Variants in PTPN13 observed in about 807,000 individuals in gnomAD.
PTPN13 encodes tyrosine-protein phosphatase non-receptor type 13.
PTPN13 carries 191 observed loss-of-function variants against 284.0 expected under a neutral mutation model. The ratio of observed to expected loss-of-function variants is 0.67; its 90% CI spans 0.60 to 0.76. The LOEUF is 0.76. Ranked by LOEUF, PTPN13 falls within the 30% of genes least tolerant of loss-of-function variation. The probability of loss-of-function intolerance (pLI) is 0.00; values close to 1 mark genes in which losing one functional copy is unlikely to be tolerated. For synonymous variants in PTPN13, 986 were observed against 1,022.3 expected (o/e 0.96, Z 0.68); for missense variants, 2,797 against 2,939.9 (o/e 0.95, Z 1.12).
At chr4:86,722,752 A>G (rs1733810802) in intron 10 of PTPN13, among the ~76,000 whole-genome samples, 1 of 152,196 alleles carries the variant, frequency 6.6e-6, no homozygotes, top group Non-Finnish European at 1.5e-5. Flanking sequence ...TTTTCATATT[A>G]AGAAATTTAT....
At chr4:86,785,034 C>T (rs1438136120) in intron 38 of PTPN13, among the ~76,000 whole-genome samples, 197 bp from the exon 39 acceptor site, 2 of 151,988 alleles carry the variant, frequency 1.3e-5, no homozygotes, top group Non-Finnish European at 2.9e-5. Context: ...TGTGGTCTTC[C>T]ATCATAGCAG....
At chr4:86,808,035 T>A in intron 45 of PTPN13, 138 bp downstream of exon 45, 1 of 735,332 alleles carries the variant, frequency 1.4e-6, no homozygotes, top group Non-Finnish European at 2.2e-6. Flanking sequence ...ATGGAACTAA[T>A]GCTAGCTATT....
intron 1 of PTPN13, among the ~76,000 whole-genome samples, chr4:86,628,865 G>C (rs1219152523): frequency 1.5e-4 from 22 of 150,152 alleles, no homozygotes; most frequent in Admixed American, 3.3e-4. Flanking sequence ...GTATTCCATG[G>C]TGTATATGTG....
intron 23 of PTPN13, among the ~76,000 whole-genome samples, chr4:86,762,052 A>G (rs1738758821): frequency 6.6e-6 from 1 of 152,234 alleles, no homozygotes; most frequent in Non-Finnish European, 1.5e-5. Flanking sequence ...TGCTCACTGC[A>G]GGCTCCGCCT....
At chr4:86,635,903 C>T (rs1298637983) in intron 2 of PTPN13, among the ~76,000 whole-genome samples, 1 of 152,138 alleles carries the variant, frequency 6.6e-6, no homozygotes, top group East Asian at 1.9e-4. Context: ...GTGGAGGTTG[C>T]AGTGAGCCAA....
intron 23 of PTPN13, among the ~76,000 whole-genome samples, chr4:86,759,507 C>T (rs1171489786): frequency 6.6e-6 from 1 of 152,148 alleles, no homozygotes; most frequent in African/African-American, 2.4e-5. Flanking sequence ...TTTGTTTTTA[C>T]TTAAAGAGTA....
intron 3 of PTPN13, among the ~76,000 whole-genome samples, chr4:86,684,072 A>G (rs2148938889): frequency 6.6e-6 from 1 of 151,926 alleles, no homozygotes; most frequent in Non-Finnish European, 1.5e-5. Context: ...GTTCTGTGTT[A>G]CTTGCTAAGA....
intron 26 of PTPN13, among the ~76,000 whole-genome samples, chr4:86,766,143 T>C (rs1739287510): frequency 6.6e-6 from 1 of 152,230 alleles, no homozygotes; most frequent in Admixed American, 6.5e-5. Context: ...TCTACACTTT[T>C]AGTAAGGACT....
chr4:86,800,039 T>C (rs780051500), intron 42 of PTPN13, among the ~76,000 whole-genome samples: 1 of 151,830 alleles, frequency 6.6e-6, no homozygotes, highest in Non-Finnish European at 1.5e-5. Flanking sequence ...GGTTTCACCA[T>C]GTTGGCCAGG....
At chr4:86,743,775 G>A (rs1263009145) in intron 16 of PTPN13, among the ~76,000 whole-genome samples, 1 of 152,126 alleles carries the variant, frequency 6.6e-6, no homozygotes, top group African/African-American at 2.4e-5. Flanking sequence ...TGAAGTCTGG[G>A]TAATACTCTG....
chr4:86,763,094 A>G lies in PTPN13; in HGVS notation c.3921A>G (p.Pro1307=). The G allele has an allele frequency of 1.9e-6, 3 of 1,613,898 alleles. No individual in the cohort carries two copies. The highest frequency in any genetic ancestry group is 2.5e-6 in the Non-Finnish European group (3 of 1,179,862). Residue 1307 remains proline (P), a synonymous_variant, in exon 24 of 48, where the codon CCA becomes CCG. Coordinates refer to ENST00000411767, the MANE Select transcript of PTPN13 (RefSeq NM_080683.3). ...GTAACCAAAGCAAAACTAAAAAGCC[A>G]GGCATTTCTGATGTAACTGATTACT... ...TDSNQSKTKK[P]GISDVTDYSD...
rs367673560 is a variant in PTPN13 at position 86,811,067 on chromosome 4, C to T, written c.7321C>T (p.Arg2441Cys). Residue 2441 changes from arginine to cysteine, a missense_variant, in exon 47 of 48, where the codon CGC (arginine) becomes TGC (cysteine). By Grantham distance (180) the Arg-to-Cys change is radical (BLOSUM62 -3). Coordinates refer to ENST00000411767, the MANE Select transcript of PTPN13 (RefSeq NM_080683.3). The stretch of plus-strand genomic sequence containing the variant: ...ACAGTTTGACATCTCTGATTTGGTG[C>T]GCTGCATGAGACTACAAAGACACGG... ...DLDFDISDLV[R>C]CMRLQRHGMV... 60 of 1,613,214 alleles carry T rather than the reference C, an allele frequency of 3.7e-5. 1 individual carries two copies. The highest frequency in any genetic ancestry group is 1.9e-4 in the South Asian group (17 of 90,980).
rs1733760910 is a variant in PTPN13 at position 86,722,314 on chromosome 4, T to C, written c.1488T>C (p.Leu496=). Residue 496 remains leucine, a synonymous_variant, in exon 10 of 48, where the codon CTT becomes CTC. Coordinates refer to ENST00000411767, the MANE Select transcript of PTPN13 (RefSeq NM_080683.3). ...ELMQLQAKMA[L]RQSRLSLYPG... The stretch of plus-strand genomic sequence containing the variant: ...TGCAGCTACAAGCCAAAATGGCCCT[T>C]AGACAGTCTCGGTTGAGCCTATATC... The C allele has an allele frequency of 1.2e-6, 2 of 1,613,716 alleles. No individual in the cohort carries two copies. The highest frequency in any genetic ancestry group is 8.5e-7 in the Non-Finnish European group (1 of 1,179,758).
chr4:86,717,002 T>C (rs1317234969), intron 8 of PTPN13, 22 bp from the exon 9 acceptor site: 6 of 1,550,218 alleles, frequency 3.9e-6, no homozygotes, highest in Non-Finnish European at 4.4e-6. Context: ...TGTGCCATTA[T>C]TTCTTTTTCA....
chr4:86,635,531 C>G (rs981131011), intron 2 of PTPN13, among the ~76,000 whole-genome samples, 160 bp downstream of exon 2: 1 of 152,120 alleles, frequency 6.6e-6, no homozygotes, highest in Admixed American at 6.6e-5. Context: ...GCTGAAAAAG[C>G]TCAGCTATTA....
In PTPN13 at chr4:86,814,550, G is replaced by A; in HGVS notation, c.7457G>A (p.Ter2486=). Residue 2486 remains the stop codon, a stop_retained_variant, in exon 48 of 48, where the codon TGA becomes TAA. Transcript: ENST00000411767. ...EQKQQPQLLK[*] ...AAACAGCAGCCTCAGCTTCTGAAGT[G>A]ACATGAAAAGAGCCTCTGGATGCAT... The A allele has an allele frequency of 6.2e-7, 1 of 1,604,080 alleles. No individual in the cohort carries two copies. Among genetic ancestry groups the A allele is most frequent in the Non-Finnish European group, 8.5e-7 (1 of 1,171,394 alleles).
In PTPN13 at chr4:86,690,033, G is replaced by A. The variant is rs546499669; in HGVS notation, c.546+843G>A. On this transcript the variant is annotated intron_variant, in intron 5 of 47. Coordinates refer to ENST00000411767, the MANE Select transcript of PTPN13 (RefSeq NM_080683.3). ...TAACCAGGATGTCAGATGGCTGCCA[G>A]GAATGTATTCAAATTCTGCACAGTT... 3 of 276,356 alleles carry A rather than the reference G, an allele frequency of 1.1e-5. No individual in the cohort carries two copies. In the East Asian group the frequency reaches 2.0e-4, roughly 18 times the overall value. 17.1% of individuals were successfully genotyped at this position (276,356 alleles called of 1,614,324 possible). A position where few individuals can be genotyped will look rare whatever the true frequency, so the allele number is the denominator to read the frequency against.
intron 3 of PTPN13, among the ~76,000 whole-genome samples, chr4:86,686,432 C>T (rs113668139): frequency 1.3e-5 from 2 of 151,956 alleles, no homozygotes; most frequent in Admixed American, 6.5e-5. Context: ...AATATATATT[C>T]GTATTTGCTT....
At chr4:86,616,111 A>G (rs1030686014) in intron 1 of PTPN13, among the ~76,000 whole-genome samples, 2 of 152,206 alleles carry the variant, frequency 1.3e-5, no homozygotes, top group Admixed American at 6.5e-5. Context: ...ATTTATTGAG[A>G]ATCTGTTGTG....
Sources: gnomAD v4.1 joint callset for allele counts (sites outside exome capture counted in the v4.1 genomes callset) on GRCh38, gnomAD v4.1.1 for gene constraint, MANE v1.5 for transcripts, NCBI Gene and HGNC (gene_info 2026-07-23, HGNC 2026-07-21) for gene names.